LMBR1: variants seen among roughly 807,000 people sequenced by gnomAD.
LMBR1 encodes the protein limb development membrane protein 1, also known as limb region 1 protein homolog.
LMBR1 carries 52 observed loss-of-function variants against 73.9 expected under a neutral mutation model. That is an observed-to-expected ratio of 0.70 (90% CI 0.56 to 0.89). The LOEUF (loss-of-function observed/expected upper bound fraction) is 0.89. LMBR1 is among the 40% of genes least tolerant of loss of function. The pLI, the probability that LMBR1 is intolerant of heterozygous loss-of-function variation, is 0.00. For synonymous variants in LMBR1, 215 were observed against 209.4 expected (o/e 1.03, Z -0.23); for missense variants, 539 against 579.8 (o/e 0.93, Z 0.72).
At chr7:156,836,727 A>G in intron 2 of LMBR1, 86 bp downstream of exon 2, 1 of 801,030 alleles carries the variant, frequency 1.2e-6, no homozygotes, top group South Asian at 2.0e-5. Flanking sequence ...ACACTATGAC[A>G]CTGAAGTGTA....
At chr7:156,877,705 A>T (rs1213737672) in intron 1 of LMBR1, among the ~76,000 whole-genome samples, 1 of 152,078 alleles carries the variant, frequency 6.6e-6, no homozygotes, top group Non-Finnish European at 1.5e-5. Context: ...AACACGATGA[A>T]ACCCCGTCTC....
intron 1 of LMBR1, among the ~76,000 whole-genome samples, chr7:156,887,916 G>T (rs1802192368): frequency 6.6e-6 from 1 of 152,124 alleles, no homozygotes; most frequent in Admixed American, 6.6e-5. Context: ...AAACAATGCT[G>T]AACTTCACTT....
At chr7:156,781,271 T>C (rs1827089899) in intron 5 of LMBR1, among the ~76,000 whole-genome samples, 1 of 152,110 alleles carries the variant, frequency 6.6e-6, no homozygotes, top group African/African-American at 2.4e-5. Context: ...AAATAATACT[T>C]TACACAAAAA....
intron 1 of LMBR1, among the ~76,000 whole-genome samples, chr7:156,839,825 C>A (rs1838327957): frequency 6.6e-6 from 1 of 152,234 alleles, no homozygotes; most frequent in African/African-American, 2.4e-5. Flanking sequence ...GTTGGGAACA[C>A]TGGCTAGACA....
At chr7:156,862,677 T>C (rs1797896136) in intron 1 of LMBR1, among the ~76,000 whole-genome samples, 2 of 152,144 alleles carry the variant, frequency 1.3e-5, no homozygotes, top group Non-Finnish European at 2.9e-5. Context: ...GAAATTTCTG[T>C]AAAAAGTGTA....
chr7:156,691,670 C>T (rs1224720344), intron 15 of LMBR1, among the ~76,000 whole-genome samples: 1 of 151,996 alleles, frequency 6.6e-6, no homozygotes, highest in Non-Finnish European at 1.5e-5. Flanking sequence ...TTGGCATTTA[C>T]ACAAATGGCT....
intron 4 of LMBR1, among the ~76,000 whole-genome samples, chr7:156,819,873 G>A (rs547940199): frequency 3.9e-5 from 6 of 152,292 alleles, no homozygotes; most frequent in Non-Finnish European, 8.8e-5. Flanking sequence ...GGAATGGCTA[G>A]CAGAATCCCC....
At chr7:156,806,777 A>G (rs1832202830) in intron 4 of LMBR1, among the ~76,000 whole-genome samples, 1 of 151,800 alleles carries the variant, frequency 6.6e-6, no homozygotes, top group Non-Finnish European at 1.5e-5. Context: ...ATGCCCAGTT[A>G]AGTTTTATAT....
chr7:156,717,102 C>T (rs878883181), intron 15 of LMBR1, among the ~76,000 whole-genome samples: 2 of 152,130 alleles, frequency 1.3e-5, no homozygotes, highest in Non-Finnish European at 2.9e-5. Flanking sequence ...ATGATTGTGC[C>T]AATGCACTCC....
chr7:156,791,334 C>T (rs909332318), intron 5 of LMBR1, among the ~76,000 whole-genome samples: 10 of 152,172 alleles, frequency 6.6e-5, no homozygotes, highest in African/African-American at 1.7e-4. Flanking sequence ...TGGCAAAAAA[C>T]GAGCAAAAAT....
intron 9 of LMBR1, among the ~76,000 whole-genome samples, chr7:156,736,922 T>C (rs1054218458): frequency 5.3e-5 from 8 of 152,206 alleles, no homozygotes; most frequent in Non-Finnish European, 8.8e-5. Flanking sequence ...TCCTCAGTTA[T>C]ACTATCAACT....
intron 1 of LMBR1, among the ~76,000 whole-genome samples, chr7:156,870,771 AT>A (rs1372760823): frequency 4.3e-4 from 66 of 151,892 alleles, no homozygotes; most frequent in East Asian, 1.9e-4. Flanking sequence ...AAAAAAAAAA[AT>A]CTCAAGACAA....
chr7:156,788,136 T>C (rs986997533), intron 5 of LMBR1, among the ~76,000 whole-genome samples: 2 of 152,172 alleles, frequency 1.3e-5, no homozygotes, highest in African/African-American at 2.4e-5. Flanking sequence ...TGATGTGCTA[T>C]ACGAAAGTTT....
At position 156,737,783 on chromosome 7, in the gene LMBR1, T is replaced by C. The variant is rs1347306114; in HGVS notation, c.758-3526A>G. On this transcript the variant is annotated intron_variant, in intron 9 of 16. Transcript: ENST00000353442. ...TGCCAGGATATTGACGGATTTGTTT[T>C]GAGACATTCTTCTCCCATGCATATT... Among the ~76,000 whole-genome samples the C allele has an allele frequency of 2.0e-5, 3 of 152,292 alleles. No individual in the cohort carries two copies. The East Asian group carries it at 5.8e-4, about 29-fold the overall frequency.
intron 15 of LMBR1, among the ~76,000 whole-genome samples, chr7:156,718,339 A>G (rs1476310762): frequency 3.3e-5 from 5 of 151,750 alleles, no homozygotes; most frequent in African/African-American, 1.2e-4. Flanking sequence ...GGCAGAGGTT[A>G]CAGTGAGCCG....
intron 15 of LMBR1, among the ~76,000 whole-genome samples, chr7:156,723,245 G>T (rs550502975): frequency 3.0e-4 from 46 of 152,186 alleles, no homozygotes; most frequent in Middle Eastern, 3.4e-3. Flanking sequence ...CTGCATCCCT[G>T]GTATCTGTAA....
At chr7:156,760,905 C>A (rs1359099867) in intron 8 of LMBR1, among the ~76,000 whole-genome samples, 1 of 152,052 alleles carries the variant, frequency 6.6e-6, no homozygotes, top group Non-Finnish European at 1.5e-5. Flanking sequence ...ACTAGTGAGA[C>A]AGAAACAAAA....
intron 4 of LMBR1, among the ~76,000 whole-genome samples, chr7:156,805,035 T>G (rs1167033195): frequency 2.0e-5 from 3 of 152,138 alleles, no homozygotes; most frequent in Non-Finnish European, 4.4e-5. Context: ...GGACTGAAGT[T>G]CATTTTTTGC....
At chr7:156,750,252 A>G (rs1820606396) in intron 9 of LMBR1, among the ~76,000 whole-genome samples, 1 of 152,108 alleles carries the variant, frequency 6.6e-6, no homozygotes, top group African/African-American at 2.4e-5. Context: ...ATGCCGTTGC[A>G]TTACTTAAAC....
Sources: gnomAD v4.1 joint callset for allele counts (sites outside exome capture counted in the v4.1 genomes callset) on GRCh38, gnomAD v4.1.1 for gene constraint, MANE v1.5 for transcripts, NCBI Gene and HGNC (gene_info 2026-07-23, HGNC 2026-07-21) for gene names.